Variants in B3GALT5 observed in about 807,000 individuals in gnomAD.
B3GALT5 encodes UDP-Gal:betaGlcNAc beta 1,3-galactosyltransferase, polypeptide 5.
For missense variants in B3GALT5, 328 were observed against 396.6 expected (o/e 0.83, Z 1.47); for synonymous variants, 156 against 158.6 (o/e 0.98, Z 0.12).
At chr21:39,647,588 A>G (rs1212413779) in intron 2 of B3GALT5, among the ~76,000 whole-genome samples, 2 of 152,002 alleles carry the variant, frequency 1.3e-5, no homozygotes, top group African/African-American at 2.4e-5. Context: ...AGCTCAAGCG[A>G]TCCACTGACT....
chr21:39,637,981 A>C (rs902985954), intron 1 of B3GALT5, among the ~76,000 whole-genome samples: 2 of 152,286 alleles, frequency 1.3e-5, no homozygotes, highest in Non-Finnish European at 2.9e-5. Context: ...AGTCAGGGTC[A>C]GGGTGTTGCC....
intron 3 of B3GALT5, 123 bp from the exon 4 acceptor site, chr21:39,660,437 G>A (rs974696426): frequency 2.6e-6 from 2 of 760,548 alleles, no homozygotes; most frequent in Non-Finnish European, 1.9e-6. Context: ...CCCGACTTCT[G>A]TATGCAGCGA....
At chr21:39,658,123 A>C (rs1344146741) in intron 2 of B3GALT5, among the ~76,000 whole-genome samples, 1 of 152,220 alleles carries the variant, frequency 6.6e-6, no homozygotes, top group Non-Finnish European at 1.5e-5. Flanking sequence ...AGACTCAGCC[A>C]AAGATGCAGA....
At chr21:39,637,880 G>T (rs745898030) in intron 1 of B3GALT5, among the ~76,000 whole-genome samples, 7 of 152,226 alleles carry the variant, frequency 4.6e-5, no homozygotes, top group Non-Finnish European at 1.0e-4. Context: ...GAGCAAGTGA[G>T]CCCTTTGGGG....
At chr21:39,637,852 C>T (rs1471454230) in intron 1 of B3GALT5, among the ~76,000 whole-genome samples, 3 of 152,142 alleles carry the variant, frequency 2.0e-5, no homozygotes, top group Admixed American at 1.3e-4. Context: ...TTGGGCAGTC[C>T]ATGGTTTGGC....
chr21:39,618,178 T>C (rs2079116770), intron 1 of B3GALT5, among the ~76,000 whole-genome samples: 1 of 152,038 alleles, frequency 6.6e-6, no homozygotes, highest in Non-Finnish European at 1.5e-5. Context: ...TATTGTAGGA[T>C]TGTACTACAA....
intron 2 of B3GALT5, among the ~76,000 whole-genome samples, chr21:39,658,618 TAAAG>T (rs1281796781): frequency 6.7e-6 from 1 of 150,242 alleles, no homozygotes; most frequent in South Asian, 2.1e-4. Flanking sequence ...GAAAGAAAAG[TAAAG>T]GAAGGAAGGA....
At chr21:39,622,599 A>G (rs933621325) in intron 1 of B3GALT5, among the ~76,000 whole-genome samples, 3 of 151,978 alleles carry the variant, frequency 2.0e-5, no homozygotes, top group Admixed American at 6.6e-5. Flanking sequence ...TTTCCTGCCT[A>G]TCGTTGTAGC....
At chr21:39,636,488 C>T (rs1260666218) in intron 1 of B3GALT5, among the ~76,000 whole-genome samples, 2 of 152,094 alleles carry the variant, frequency 1.3e-5, no homozygotes, top group African/African-American at 4.8e-5. Flanking sequence ...TCCAACCCCC[C>T]TGTTGTTGCT....
intron 2 of B3GALT5, among the ~76,000 whole-genome samples, chr21:39,655,731 C>T (rs2146212713): frequency 6.6e-6 from 1 of 152,280 alleles, no homozygotes; most frequent in African/African-American, 2.4e-5. Flanking sequence ...AATGTCTTTC[C>T]TCTGAGAAAG....
rs1356392070 is a variant in B3GALT5, at chr21:39,672,072, A to G, written c.*10580A>G. 2.0e-5 allele frequency: 3 copies of G among 152,264 alleles called. No homozygotes were observed. The East Asian group carries it at 5.8e-4, about 29-fold the overall frequency. The allele number at this position is 152,264 out of a possible 1,614,324, so 9.4% of individuals were successfully genotyped here. ...AAAACGAACTCCATAGCCAAATGCA[A>G]CATTTTGTGTCATACTGCTTTACAT... On this transcript the variant is annotated 3_prime_UTR_variant, in exon 4 of 4. Transcript: ENST00000684187.
chr21:39,670,849 C>T lies in B3GALT5; in HGVS notation c.*9357C>T, dbSNP rs1387273610. 1 of 152,214 alleles carries T rather than the reference C, an allele frequency of 6.6e-6. No homozygotes were observed. Among genetic ancestry groups the T allele is most frequent in the African/African-American group, 2.4e-5 (1 of 41,444 alleles). 9.4% of individuals were successfully genotyped at this position (152,214 alleles called of 1,614,324 possible). A position where few individuals can be genotyped will look rare whatever the true frequency, so the allele number is the denominator to read the frequency against. ...TAATCTAACAGCTGCCATGCACCCT[C>T]ATTTTAAAAACAGATGAGGCAATGT... On this transcript the variant is annotated 3_prime_UTR_variant, in exon 4 of 4. Coordinates refer to ENST00000684187, the MANE Select transcript of B3GALT5 (RefSeq NM_001356336.2).
chr21:39,638,673 C>T (rs944799816), intron 1 of B3GALT5, among the ~76,000 whole-genome samples: 5 of 152,188 alleles, frequency 3.3e-5, no homozygotes, highest in Non-Finnish European at 7.3e-5. Context: ...CACAAGCTGC[C>T]TACGGATGGC....
chr21:39,628,195 A>C (rs2079174002), intron 1 of B3GALT5, among the ~76,000 whole-genome samples: 1 of 152,254 alleles, frequency 6.6e-6, no homozygotes, highest in African/African-American at 2.4e-5. Context: ...TAAGTAAATT[A>C]GGGGAAATGA....
chr21:39,621,923 C>T (rs894037097), intron 1 of B3GALT5, among the ~76,000 whole-genome samples: 3 of 151,880 alleles, frequency 2.0e-5, no homozygotes, highest in Non-Finnish European at 2.9e-5. Context: ...GTTATATCCT[C>T]GTCTTTTTCT....
intron 1 of B3GALT5, among the ~76,000 whole-genome samples, chr21:39,615,172 G>T (rs558383931): frequency 4.6e-5 from 7 of 152,136 alleles, no homozygotes; most frequent in African/African-American, 1.7e-4. Flanking sequence ...GAGGGCTCCC[G>T]TATTCCTTGT....
intron 1 of B3GALT5, among the ~76,000 whole-genome samples, chr21:39,615,558 A>G (rs1179027063): frequency 6.6e-6 from 1 of 152,250 alleles, no homozygotes; most frequent in African/African-American, 2.4e-5. Context: ...CTGATCATTC[A>G]TTCACGCATT....
chr21:39,622,493 G>C (rs550235039), intron 1 of B3GALT5, among the ~76,000 whole-genome samples: 1 of 152,002 alleles, frequency 6.6e-6, no homozygotes, highest in Admixed American at 6.5e-5. Context: ...TTGCTATGTA[G>C]TGTTGATACT....
chr21:39,643,506 C>T (rs1000946231), intron 1 of B3GALT5, among the ~76,000 whole-genome samples: 4 of 152,152 alleles, frequency 2.6e-5, no homozygotes, highest in African/African-American at 9.7e-5. Context: ...GCCTTGCCTG[C>T]CTCTGCTTTC....
Sources: gnomAD v4.1 joint callset for allele counts (sites outside exome capture counted in the v4.1 genomes callset) on GRCh38, gnomAD v4.1.1 for gene constraint, MANE v1.5 for transcripts, NCBI Gene and HGNC (gene_info 2026-07-23, HGNC 2026-07-21) for gene names.